Variants in MCF2L2 observed in about 807,000 individuals in gnomAD.
MCF2L2 encodes probable guanine nucleotide exchange factor MCF2L2.
In MCF2L2, 102 loss-of-function variants were observed where a neutral mutation model predicts 150.2. The ratio of observed to expected loss-of-function variants is 0.68; its 90% confidence interval spans 0.58 to 0.80. The LOEUF (loss-of-function observed/expected upper bound fraction) is 0.80. MCF2L2 is among the 30% of genes least tolerant of loss of function. The pLI is 0.00. For synonymous variants in MCF2L2, 465 were observed against 491.3 expected (o/e 0.95, Z 0.71); for missense variants, 1,256 against 1,372.8 (o/e 0.91, Z 1.34).
chr3:183,178,118 A>T lies in MCF2L2; in HGVS notation c.*1262T>A, dbSNP rs1424456338. The stretch of plus-strand genomic sequence containing the variant: ...AATAACTCAAAAACTCCAATAAGAT[A>T]AAGTGAAATAACTATGAAGGTAAAT... On this transcript the variant is annotated 3_prime_UTR_variant, in exon 30 of 30. Transcript: ENST00000328913. The T allele has an allele frequency of 6.6e-6, 1 of 152,250 alleles. No homozygotes were observed. The highest frequency in any genetic ancestry group is 1.5e-5 in the Non-Finnish European group (1 of 68,054). The allele number at this position is 152,250 out of a possible 1,614,324, so 9.4% of individuals were successfully genotyped here.
chr3:183,269,961 T>C (rs1377950278), intron 15 of MCF2L2: 2 of 1,614,122 alleles, frequency 1.2e-6, no homozygotes, highest in Non-Finnish European at 1.7e-6. Context: ...CATAAATAGC[T>C]ATGACTTTGT....
intron 15 of MCF2L2, among the ~76,000 whole-genome samples, chr3:183,243,752 G>C (rs533024503): frequency 6.6e-5 from 10 of 152,308 alleles, no homozygotes; most frequent in African/African-American, 2.4e-4. Context: ...TGTTTGAACA[G>C]TTCGTGCCAA....
chr3:183,192,981 C>CT lies in MCF2L2; in HGVS notation c.3016+17_3016+18insA. The CT allele has an allele frequency of 1.2e-6, 2 of 1,603,134 alleles. No individual in the cohort carries two copies. The highest frequency in any genetic ancestry group is 1.7e-6 in the Non-Finnish European group (2 of 1,170,358). Reference sequence around the variant, plus strand: ...CCCACTGCTTCTGTGCTCCACTCTCCCATGGGACCCTCCCTACCTTTAATC... The same window carrying CT: ...CCCACTGCTTCTGTGCTCCACTCTCCTCATGGGACCCTCCCTACCTTTAATC... On this transcript the variant is annotated intron_variant, in intron 27 of 29. Coordinates refer to ENST00000328913, the MANE Select transcript of MCF2L2 (RefSeq NM_015078.4).
At chr3:183,313,694 C>T (rs781313353) in intron 7 of MCF2L2, among the ~76,000 whole-genome samples, 1 of 152,092 alleles carries the variant, frequency 6.6e-6, no homozygotes, top group South Asian at 2.1e-4. Context: ...TTTTACTGCC[C>T]GCACTCAGGC....
chr3:183,243,783 AC>A (rs1159190465), intron 15 of MCF2L2, among the ~76,000 whole-genome samples: 1 of 152,198 alleles, frequency 6.6e-6, no homozygotes, highest in Non-Finnish European at 1.5e-5. Context: ...TGTTCTCCAC[AC>A]AATTAGAAGT....
At chr3:183,289,052 T>C in intron 14 of MCF2L2, 68 bp downstream of exon 14, 3 of 1,022,482 alleles carry the variant, frequency 2.9e-6, no homozygotes, top group East Asian at 4.9e-5. Flanking sequence ...TGTTGATTTA[T>C]TGATAATTGT....
At chr3:183,315,541 A>C (rs1441231920) in intron 7 of MCF2L2, among the ~76,000 whole-genome samples, 1 of 152,212 alleles carries the variant, frequency 6.6e-6, no homozygotes, top group East Asian at 1.9e-4. Context: ...TATAAATGTC[A>C]AATAATACTT....
At chr3:183,374,646 C>G (rs950833908) in intron 3 of MCF2L2, 2 of 140,788 alleles carry the variant, frequency 1.4e-5, no homozygotes, top group Non-Finnish European at 3.0e-5. Flanking sequence ...CCAGTCTGGG[C>G]GACAAGCACG....
In MCF2L2 at chr3:183,220,825, A is replaced by C. The variant is rs1723122568; in HGVS notation, c.2302-901T>G. Reference sequence around the variant, plus strand: ...TTGCTACTAGTGTTTATTCTTTTGCAAATTGCTATGTCCTTTGCGCATCTT... The same window carrying C: ...TTGCTACTAGTGTTTATTCTTTTGCCAATTGCTATGTCCTTTGCGCATCTT... On this transcript the variant is annotated intron_variant, in intron 20 of 29. Coordinates refer to ENST00000328913, the MANE Select transcript of MCF2L2 (RefSeq NM_015078.4). 3.3e-5 allele frequency among the ~76,000 whole-genome samples: 5 copies of C among 152,360 alleles called. No homozygotes were observed. In the South Asian group the frequency reaches 1.0e-3, roughly 32 times the overall value.
chr3:183,413,519 CTGTT>C lies in MCF2L2; in HGVS notation c.76+14379_76+14382del, dbSNP rs1222380883. 9.8e-5 allele frequency among the ~76,000 whole-genome samples: 15 copies of C among 152,318 alleles called. No homozygotes were observed. In the South Asian group the frequency reaches 1.9e-3, roughly 19 times the overall value. ...CCCACTTCACTGACCCCTCCAGTAA[CTGTT>C]TGTCCAGGCAGTTACACGATGCAGT... On this transcript the variant is annotated intron_variant, in intron 1 of 29. Transcript: ENST00000328913.
At position 183,197,396 on chromosome 3, in the gene MCF2L2, T is replaced by C. The variant is rs182099683; in HGVS notation, c.2885-2141A>G. On this transcript the variant is annotated intron_variant, in intron 25 of 29. Coordinates refer to ENST00000328913, the MANE Select transcript of MCF2L2 (RefSeq NM_015078.4). The surrounding 1 kb of genome is among the most constrained non-coding windows in gnomAD (Gnocchi z 4.5). ...CAATGGAAAAACTAGAACATCAGTA[T>C]GCAAAGGACTGAACTTTGATCCATA... Among the ~76,000 whole-genome samples, 39 of 152,242 alleles carry C rather than the reference T, an allele frequency of 2.6e-4. No individual in the cohort carries two copies. The highest frequency in any genetic ancestry group is 1.7e-3 in the Admixed American group (26 of 15,280).
intron 15 of MCF2L2, among the ~76,000 whole-genome samples, chr3:183,247,285 G>C (rs1044048915): frequency 2.6e-5 from 4 of 152,166 alleles, no homozygotes; most frequent in Non-Finnish European, 5.9e-5. Context: ...CTCCTTAAGA[G>C]ACAGGGCCTG....
At chr3:183,316,120 G>A (rs1329493377) in intron 7 of MCF2L2, among the ~76,000 whole-genome samples, 1 of 152,120 alleles carries the variant, frequency 6.6e-6, no homozygotes, top group Non-Finnish European at 1.5e-5. Context: ...CTGTGCAACT[G>A]CAAACTCCTT....
chr3:183,273,218 A>C lies in MCF2L2; in HGVS notation c.1862+3654T>G, dbSNP rs1342255960. On this transcript the variant is annotated intron_variant, in intron 15 of 29. Transcript: ENST00000328913. ...ATAGAAGATGGTTATACACAGTGTT[A>C]TTGTTAAAATTTTTTTACCTTTTGG... The C allele has an allele frequency of 2.2e-4, 88 of 394,436 alleles. 1 individual carries two copies. In the East Asian group the frequency reaches 3.2e-3, roughly 14 times the overall value. 24.4% of individuals were successfully genotyped at this position (394,436 alleles called of 1,614,324 possible).
intron 5 of MCF2L2, among the ~76,000 whole-genome samples, chr3:183,336,908 T>A (rs1020017442): frequency 6.6e-6 from 1 of 151,486 alleles, no homozygotes; most frequent in Non-Finnish European, 1.5e-5. Context: ...GAAAGTTCCT[T>A]TTGTCTCCTT....
rs889298615 is a variant in MCF2L2, at chr3:183,256,958, T to G, written c.1862+19914A>C. On this transcript the variant is annotated intron_variant, in intron 15 of 29. Transcript: ENST00000328913. ...GTATTTGCGATGTGTTAAATGGCCC[T>G]TAGCCATCAGATCAGTATTTTTAAA... Among the ~76,000 whole-genome samples the G allele has an allele frequency of 1.1e-4, 16 of 152,228 alleles. 1 individual carries two copies. Among genetic ancestry groups the G allele is most frequent in the African/African-American group, 3.6e-4 (15 of 41,448 alleles).
rs1729385150 is a variant in MCF2L2, at chr3:183,311,678, T to C, written c.848A>G (p.Asn283Ser). 2 of 1,614,148 alleles carry C rather than the reference T, an allele frequency of 1.2e-6. No individual in the cohort carries two copies. Among genetic ancestry groups the C allele is most frequent in the Non-Finnish European group, 1.7e-6 (2 of 1,179,996 alleles). Residue 283 changes from asparagine to serine, a missense_variant, in exon 8 of 30, where the codon AAC becomes AGC. By Grantham distance (46) the Asn-to-Ser change is conservative. Coordinates refer to ENST00000328913, the MANE Select transcript of MCF2L2 (RefSeq NM_015078.4). ...CATGGTAGTTACATTCTCAAGTTGG[T>C]TGAGATTGAGTTTGCTGTTGGGACA... ...TKCPNSKLNL[N>S]QLENVTTMER...
At chr3:183,272,741 T>C in intron 15 of MCF2L2, 1 of 1,048,862 alleles carries the variant, frequency 9.5e-7, no homozygotes, top group Non-Finnish European at 1.2e-6. Flanking sequence ...AATTAATTTT[T>C]ATTAGTTGAT....
In MCF2L2 at chr3:183,408,185, T is replaced by A. The variant is rs1053616968; in HGVS notation, c.77-18406A>T. 1.5e-4 allele frequency among the ~76,000 whole-genome samples: 23 copies of A among 152,214 alleles called. No homozygotes were observed. The East Asian group carries it at 2.1e-3, about 14-fold the overall frequency. ...GGATTTCACAACTAAACCAACCAAG[T>A]GCAAAAGAAAGGCAGCCACTGTGAA... On this transcript the variant is annotated intron_variant, in intron 1 of 29. Coordinates refer to ENST00000328913, the MANE Select transcript of MCF2L2 (RefSeq NM_015078.4).
Sources: gnomAD v4.1 joint callset for allele counts (sites outside exome capture counted in the v4.1 genomes callset) on GRCh38, gnomAD v4.1.1 for gene constraint, Gnocchi (gnomAD v3.1) non-coding constraint, MANE v1.5 for transcripts, NCBI Gene and HGNC (gene_info 2026-07-23, HGNC 2026-07-21) for gene names.